The following KAT6A variants were observed in gnomAD, a reference collection of about 807,000 sequenced individuals.
KAT6A encodes lysine acetyltransferase 6A.
Under a neutral mutation model 198.4 loss-of-function variants are expected in KAT6A, and 9 were observed. That is an observed-to-expected ratio of 0.05 (90% CI 0.03 to 0.08). The LOEUF (loss-of-function observed/expected upper bound fraction) is 0.08. KAT6A is among the 10% of genes least tolerant of loss of function. The pLI is 1.00. For synonymous variants in KAT6A, 890 were observed against 883.0 expected (o/e 1.01, Z -0.14); for missense variants, 2,077 against 2,509.9 (o/e 0.83, Z 3.69).
At chr8:42,009,497 G>A (rs758145793) in intron 2 of KAT6A, among the ~76,000 whole-genome samples, 13 of 151,386 alleles carry the variant, frequency 8.6e-5, no homozygotes, top group Non-Finnish European at 1.8e-4. Context: ...TCATGGAAAA[G>A]GTGACATGTG....
intron 9 of KAT6A, among the ~76,000 whole-genome samples, chr8:41,954,817 T>C (rs1007275668): frequency 1.3e-5 from 2 of 152,200 alleles, no homozygotes; most frequent in South Asian, 4.1e-4. Context: ...TGTTTATTAA[T>C]ATATCTGGAA....
chr8:41,973,502 G>A (rs1156963044), intron 8 of KAT6A, among the ~76,000 whole-genome samples: 1 of 152,102 alleles, frequency 6.6e-6, no homozygotes, highest in Admixed American at 6.5e-5. Flanking sequence ...TTACAGGGGT[G>A]AGCCACCGTG....
At chr8:42,007,932 A>G (rs1028187093) in intron 2 of KAT6A, among the ~76,000 whole-genome samples, 3 of 138,856 alleles carry the variant, frequency 2.2e-5, no homozygotes, top group Non-Finnish European at 4.5e-5. Flanking sequence ...ACTGTACTCC[A>G]GCCTGGGCGA....
chr8:41,936,253 T>C (rs1821850259), intron 16 of KAT6A, among the ~76,000 whole-genome samples: 2 of 151,972 alleles, frequency 1.3e-5, no homozygotes, highest in African/African-American at 4.8e-5. Context: ...AGAGGGAGAC[T>C]CCATCTCAAA....
At chr8:41,957,000 T>C in intron 8 of KAT6A, 1 of 525,920 alleles carries the variant, frequency 1.9e-6, no homozygotes. Context: ...CAGATCTAAC[T>C]TCCTGAGGCA....
chr8:41,941,580 T>C (rs764386205), intron 14 of KAT6A, 136 bp from the exon 15 acceptor site: 183 of 866,864 alleles, frequency 2.1e-4, no homozygotes, highest in Non-Finnish European at 2.9e-4. Context: ...TTATTTAACA[T>C]GGATATTTCC....
At chr8:41,947,074 T>G (rs181952613) in intron 11 of KAT6A, among the ~76,000 whole-genome samples, 375 of 152,376 alleles carry the variant, frequency 2.5e-3, no homozygotes, top group Non-Finnish European at 4.3e-3. Context: ...TTTCTTTCTC[T>G]CCTGCTCTGG....
At chr8:41,990,942 C>A (rs2150895644) in intron 2 of KAT6A, among the ~76,000 whole-genome samples, 1 of 140,560 alleles carries the variant, frequency 7.1e-6, no homozygotes, top group Non-Finnish European at 1.5e-5. Flanking sequence ...TTGCAGTGAG[C>A]CAAGATTGTG....
At chr8:41,966,837 T>C (rs1202311360) in intron 8 of KAT6A, among the ~76,000 whole-genome samples, 1 of 152,114 alleles carries the variant, frequency 6.6e-6, no homozygotes, top group Non-Finnish European at 1.5e-5. Context: ...TAATGCAGGA[T>C]GTTATTGTGA....
Position 41,934,062 on chromosome 8 carries a change from T to C in KAT6A, c.4158A>G (p.Ser1386=), listed in dbSNP as rs2150856380. ...CGTCCTCAGACCCAGCCATCTGCTC[T>C]GACACCACGGACGTGTCATGGGAAG... is the stretch of plus-strand genomic sequence containing the variant. ...EQPSHDTSVV[S]EQMAGSEDDH... Residue 1386 remains serine, a synonymous_variant, in exon 17 of 17, where the codon TCA becomes TCG. Transcript: ENST00000265713. The C allele has an allele frequency of 6.2e-7, 1 of 1,614,216 alleles. No individual in the cohort carries two copies. The highest frequency in any genetic ancestry group is 2.2e-5 in the East Asian group (1 of 44,884).
At chr8:41,958,211 C>G (rs560170172) in intron 8 of KAT6A, 1 of 152,330 alleles carries the variant, frequency 6.6e-6, no homozygotes, top group South Asian at 2.1e-4. Flanking sequence ...TGCTCCACAA[C>G]AGAGAGAGCA....
rs182567290 is a variant in KAT6A at position 42,004,876 on chromosome 8, C to T, written c.601-17313G>A. On this transcript the variant is annotated intron_variant, in intron 2 of 16. Coordinates refer to ENST00000265713, the MANE Select transcript of KAT6A (RefSeq NM_006766.5). ...CTGGGAGGCAGAGGTTGCAATGAGC[C>T]GAGATCACGCCATTGCACTCCAGCC... is the stretch of plus-strand genomic sequence containing the variant. 2.3e-3 allele frequency among the ~76,000 whole-genome samples: 351 copies of T among 151,868 alleles called. 3 individuals are homozygous for T. The highest frequency in any genetic ancestry group is 7.8e-3 in the African/African-American group (321 of 41,384).
chr8:41,982,479 C>T (rs1824410229), intron 3 of KAT6A, among the ~76,000 whole-genome samples: 1 of 152,004 alleles, frequency 6.6e-6, no homozygotes, highest in African/African-American at 2.4e-5. Flanking sequence ...TCCCCTTATC[C>T]GCAGTTTTGC....
intron 3 of KAT6A, among the ~76,000 whole-genome samples, chr8:41,983,037 A>G (rs1170780827): frequency 1.3e-5 from 2 of 152,198 alleles, no homozygotes; most frequent in Non-Finnish European, 2.9e-5. Context: ...TAAGGCATGC[A>G]AGCTAAAACT....
At chr8:41,951,981 T>C (rs949428535) in intron 9 of KAT6A, among the ~76,000 whole-genome samples, 3 of 152,318 alleles carry the variant, frequency 2.0e-5, no homozygotes, top group Non-Finnish European at 4.4e-5. Context: ...CTGCCACTTA[T>C]ACACTGTACT....
intron 16 of KAT6A, among the ~76,000 whole-genome samples, chr8:41,936,311 G>A (rs1201954054): frequency 1.3e-5 from 2 of 152,176 alleles, no homozygotes; most frequent in African/African-American, 2.4e-5. Context: ...TAGAAAATAT[G>A]AGAATGGAGA....
intron 2 of KAT6A, chr8:42,043,559 T>C (rs1827767313): frequency 6.6e-6 from 1 of 152,192 alleles, no homozygotes; most frequent in Admixed American, 6.5e-5. Context: ...TCCTAACACA[T>C]TCTTATCACT....
chr8:41,949,424 C>T, intron 9 of KAT6A, 61 bp from the exon 10 acceptor site: 2 of 1,261,642 alleles, frequency 1.6e-6, no homozygotes, highest in East Asian at 5.6e-5. Flanking sequence ...TTCAAACTTC[C>T]ACAATTATCA....
At chr8:42,049,585 T>C (rs1269543367) in intron 1 of KAT6A, 1 of 153,370 alleles carries the variant, frequency 6.5e-6, no homozygotes, top group Non-Finnish European at 1.5e-5. Flanking sequence ...CCAGAGTGGG[T>C]GATGGCTATT....
Sources: gnomAD v4.1 joint callset for allele counts (sites outside exome capture counted in the v4.1 genomes callset) on GRCh38, gnomAD v4.1.1 for gene constraint, MANE v1.5 for transcripts, NCBI Gene and HGNC (gene_info 2026-07-23, HGNC 2026-07-21) for gene names.